HNRNPC: variants seen among roughly 807,000 people sequenced by gnomAD.
The protein encoded by HNRNPC is heterogeneous nuclear ribonucleoprotein C.
In HNRNPC, 3 loss-of-function variants were observed where a neutral mutation model predicts 33.2. The observed-to-expected ratio is 0.09, with a 90% confidence interval of 0.04 to 0.23. The LOEUF (loss-of-function observed/expected upper bound fraction) is 0.23. HNRNPC is among the 10% of genes least tolerant of loss of function. HNRNPC has a pLI of 1.00. For missense variants in HNRNPC, 143 were observed against 366.7 expected, an observed-to-expected ratio of 0.39 and a Z score of 4.98; for synonymous variants, 121 against 126.7, an observed-to-expected ratio of 0.96 and a Z score of 0.30.
At chr14:21,239,599 C>G (rs983947821) in intron 2 of HNRNPC, among the ~76,000 whole-genome samples, 7 of 151,626 alleles carry the variant, frequency 4.6e-5, no homozygotes, top group African/African-American at 1.7e-4. Context: ...TTAGGCCAGG[C>G]ACGGTGGCTC....
In HNRNPC at chr14:21,210,289, G is replaced by C. The variant is rs1891469541; in HGVS notation, c.*934C>G. ...CTGGACCACAAAGCACTGATGAAAA[G>C]GCAGAGAGGATATACTTCCCAAACT... On this transcript the variant is annotated 3_prime_UTR_variant, in exon 9 of 9. Coordinates refer to ENST00000553300, the MANE Select transcript of HNRNPC (RefSeq NM_004500.4). 6.6e-6 allele frequency: 1 copy of C among 152,128 alleles called. No individual in the cohort carries two copies. The highest frequency in any genetic ancestry group is 1.5e-5 in the Non-Finnish European group (1 of 68,024). The allele number at this position is 152,128 out of a possible 1,614,324, so 9.4% of individuals were successfully genotyped here.
chr14:21,253,514 A>C (rs1484360952), intron 2 of HNRNPC, among the ~76,000 whole-genome samples: 1 of 151,698 alleles, frequency 6.6e-6, no homozygotes, highest in Non-Finnish European at 1.5e-5. Context: ...CATGCACCTG[A>C]AAACAAAAAT....
intron 5 of HNRNPC, among the ~76,000 whole-genome samples, chr14:21,225,746 C>T (rs530318289): frequency 6.6e-6 from 1 of 152,172 alleles, no homozygotes; most frequent in South Asian, 2.1e-4. Flanking sequence ...TCAATCAAAA[C>T]GTCATTCACA....
chr14:21,249,543 G>A (rs145575848), intron 2 of HNRNPC, among the ~76,000 whole-genome samples: 4,918 of 137,502 alleles, frequency 0.036, 124 homozygotes, highest in Admixed American at 0.055. Flanking sequence ...CCTAGATCTC[G>A]CCACTGCACT....
chr14:21,253,712 G>A (rs1043892603), intron 2 of HNRNPC, among the ~76,000 whole-genome samples: 20 of 152,014 alleles, frequency 1.3e-4, no homozygotes, highest in African/African-American at 4.8e-4. Flanking sequence ...ATTAGTGGCC[G>A]CTAACACTGC....
chr14:21,216,511 G>A (rs984218915), intron 5 of HNRNPC, among the ~76,000 whole-genome samples: 2 of 152,044 alleles, frequency 1.3e-5, no homozygotes, highest in East Asian at 1.9e-4. Context: ...ACATGGAGAC[G>A]GGCCTGACCA....
chr14:21,212,470 A>AT (rs1269836570), intron 6 of HNRNPC, among the ~76,000 whole-genome samples: 2 of 152,138 alleles, frequency 1.3e-5, no homozygotes, highest in African/African-American at 4.8e-5. Flanking sequence ...GTCAAATGAC[A>AT]TTTTTTAAAT....
At chr14:21,255,617 T>C (rs891454841) in intron 2 of HNRNPC, among the ~76,000 whole-genome samples, 3 of 152,202 alleles carry the variant, frequency 2.0e-5, no homozygotes, top group Admixed American at 6.5e-5. Flanking sequence ...CAAGAGTTGA[T>C]GTACATTTTT....
chr14:21,250,828 G>C (rs1896566587), intron 2 of HNRNPC, among the ~76,000 whole-genome samples: 1 of 152,182 alleles, frequency 6.6e-6, no homozygotes, highest in Non-Finnish European at 1.5e-5. Context: ...AAGTGTTCTA[G>C]ATTCGTTCTT....
intron 6 of HNRNPC, among the ~76,000 whole-genome samples, chr14:21,212,356 T>C (rs746970184): frequency 2.6e-5 from 4 of 152,082 alleles, no homozygotes; most frequent in Non-Finnish European, 4.4e-5. Flanking sequence ...GAGTTCAATA[T>C]AGAAAAGTTA....
At chr14:21,224,373 G>A (rs368142421) in intron 5 of HNRNPC, among the ~76,000 whole-genome samples, 5 of 152,200 alleles carry the variant, frequency 3.3e-5, no homozygotes, top group African/African-American at 1.2e-4. Flanking sequence ...GAAAAGTCAG[G>A]TAGAATAAAA....
intron 2 of HNRNPC, among the ~76,000 whole-genome samples, chr14:21,237,444 ACT>A (rs1457795370): frequency 5.3e-5 from 8 of 152,174 alleles, no homozygotes. Context: ...CAGGATTGAT[ACT>A]CTCAGAACAA....
Position 21,230,383 on chromosome 14 carries a change from G to A in HNRNPC, c.318-17C>T, listed in dbSNP as rs372950061. The A allele has an allele frequency of 3.8e-5, 61 of 1,596,050 alleles. No individual in the cohort carries two copies. Among genetic ancestry groups the A allele is most frequent in the East Asian group, 2.5e-4 (11 of 44,650 alleles). ...AAAGAGGAGCTGAAAAATAAATACC[G>A]AAAAGGGTTAATTTGGAAATGTTTC... On this transcript the variant is annotated splice_polypyrimidine_tract_variant and intron_variant, in intron 4 of 8. Coordinates refer to ENST00000553300, the MANE Select transcript of HNRNPC (RefSeq NM_004500.4).
intron 2 of HNRNPC, among the ~76,000 whole-genome samples, chr14:21,243,426 T>G (rs190908077): frequency 8.5e-5 from 13 of 152,304 alleles, no homozygotes; most frequent in Admixed American, 5.9e-4. Flanking sequence ...GTTTATTCTA[T>G]GTATGTATAT....
At chr14:21,231,509 A>G (rs778088130) in intron 3 of HNRNPC, 24 of 411,250 alleles carry the variant, frequency 5.8e-5, no homozygotes, top group African/African-American at 1.7e-4. Context: ...TAATTTTTCT[A>G]TTTTTCGTAG....
chr14:21,248,074 A>T (rs1339285507), intron 2 of HNRNPC, among the ~76,000 whole-genome samples: 1 of 152,150 alleles, frequency 6.6e-6, no homozygotes, highest in East Asian at 1.9e-4. Flanking sequence ...CACATTTTAA[A>T]TAGAGTATAA....
At chr14:21,268,715 A>G (rs1353646740) in intron 1 of HNRNPC, 3 of 152,234 alleles carry the variant, frequency 2.0e-5, no homozygotes, top group East Asian at 1.9e-4. Flanking sequence ...TTATATCACA[A>G]TATTTCCTTT....
chr14:21,244,772 T>C (rs774345073), intron 2 of HNRNPC, among the ~76,000 whole-genome samples: 3 of 152,174 alleles, frequency 2.0e-5, no homozygotes, highest in Non-Finnish European at 2.9e-5. Context: ...TCGTATAGCC[T>C]ATTGCTCCCA....
chr14:21,268,875 A>G (rs1012456299), intron 1 of HNRNPC, among the ~76,000 whole-genome samples: 2 of 152,144 alleles, frequency 1.3e-5, no homozygotes, highest in African/African-American at 2.4e-5. Context: ...GGCTCGCGAT[A>G]CATCTACTTG....
Sources: allele counts gnomAD v4.1 joint callset (sites outside exome capture counted in the v4.1 genomes callset), GRCh38; gene constraint gnomAD v4.1.1; transcripts MANE v1.5; gene names NCBI Gene and HGNC (gene_info 2026-07-23, HGNC 2026-07-21).